The following INSR variants were observed in gnomAD, a reference collection of about 807,000 sequenced individuals.
The protein encoded by INSR is insulin receptor.
Under a neutral mutation model 142.6 loss-of-function variants are expected in INSR, and 67 were observed. The ratio of observed to expected loss-of-function variants is 0.47; its 90% CI spans 0.39 to 0.58. The LOEUF is 0.58. INSR is among the 20% of genes least tolerant of loss of function. INSR has a pLI of 0.00. For synonymous variants in INSR, 756 were observed against 743.1 expected (o/e 1.02, Z -0.28); for missense variants, 1,248 against 1,833.2 (o/e 0.68, Z 5.83).
intron 14 of INSR, among the ~76,000 whole-genome samples, chr19:7,130,005 C>G (rs558455141): frequency 6.6e-6 from 1 of 150,756 alleles, no homozygotes; most frequent in South Asian, 2.1e-4. Context: ...TCCCAAAGTT[C>G]TGGGATTACA....
chr19:7,174,484 A>G (rs1404155376), intron 4 of INSR, 99 bp downstream of exon 4: 6 of 1,344,920 alleles, frequency 4.5e-6, no homozygotes, highest in Non-Finnish European at 6.4e-6. Flanking sequence ...GTGCTGTAGG[A>G]GCACGCAGCA....
In INSR at chr19:7,113,899, G is replaced by A. The variant is rs991104385; in HGVS notation, c.*3157C>T. On this transcript the variant is annotated 3_prime_UTR_variant, in exon 22 of 22. Transcript: ENST00000302850. ...CAGGTGGAGAAAGGTGAGTCTGCAA[G>A]GGCAGTGCCTAAAAGTACAAGAGCA... 3 of 152,128 alleles carry A rather than the reference G, an allele frequency of 2.0e-5. No homozygotes were observed. The highest frequency in any genetic ancestry group is 4.8e-5 in the African/African-American group (2 of 41,480). 9.4% of individuals were successfully genotyped at this position (152,128 alleles called of 1,614,324 possible).
chr19:7,115,568 T>C lies in INSR; in HGVS notation c.*1488A>G, dbSNP rs1972303824. Reference sequence around the variant, plus strand: ...TCAGTGCACCTCTCTCTTACATTGCTTAGATGTTCCCAAAGTCCATCCAGG... The same window carrying C: ...TCAGTGCACCTCTCTCTTACATTGCCTAGATGTTCCCAAAGTCCATCCAGG... On this transcript the variant is annotated 3_prime_UTR_variant, in exon 22 of 22. Coordinates refer to ENST00000302850, the MANE Select transcript of INSR (RefSeq NM_000208.4). 1 of 152,230 alleles carries C rather than the reference T, an allele frequency of 6.6e-6. No individual in the cohort carries two copies. The highest frequency in any genetic ancestry group is 2.1e-4 in the South Asian group (1 of 4,818). 9.4% of individuals were successfully genotyped at this position (152,230 alleles called of 1,614,324 possible). A position where few individuals can be genotyped will look rare whatever the true frequency, so the allele number is the denominator to read the frequency against.
At chr19:7,197,963 TGTGTGTGTGTCCCCATGGTGGGA>T (rs1974830345) in intron 2 of INSR, among the ~76,000 whole-genome samples, 1 of 144,442 alleles carries the variant, frequency 6.9e-6, no homozygotes, top group Non-Finnish European at 1.5e-5. Context: ...ATGGTGGGAG[TGTGTGTGTGTCCCCATGGTGGGA>T]GTGTGTGTGT....
intron 9 of INSR, 90 bp from the exon 10 acceptor site, chr19:7,153,017 A>ACCCACACAC: frequency 2.0e-6 from 1 of 507,980 alleles, no homozygotes; most frequent in Non-Finnish European, 3.2e-6. Context: ...CACACACCAC[A>ACCCACACAC]CACACACACC....
chr19:7,208,727 T>C (rs960593248), intron 2 of INSR, among the ~76,000 whole-genome samples: 3 of 151,848 alleles, frequency 2.0e-5, no homozygotes, highest in African/African-American at 7.3e-5. Context: ...AAAATTAGGC[T>C]GGGCGCAGTG....
intron 11 of INSR, among the ~76,000 whole-genome samples, chr19:7,144,009 C>T (rs1973132613): frequency 6.7e-6 from 1 of 150,212 alleles, no homozygotes; most frequent in South Asian, 2.1e-4. Flanking sequence ...GAGCTGAGAT[C>T]GTGTCACTGC....
chr19:7,255,914 C>A (rs1220607602), intron 2 of INSR, among the ~76,000 whole-genome samples: 1 of 151,914 alleles, frequency 6.6e-6, no homozygotes, highest in African/African-American at 2.4e-5. Flanking sequence ...CCACCCAAAC[C>A]AAAGCACATC....
At position 7,125,537 on chromosome 19, in the gene INSR, A is replaced by T; in HGVS notation, c.3014-10T>A. ...ACAGAGCATGGAAACACTACTTCTT[A>T]CTTATCTACACAGCATCCTTGGAGG... On this transcript the variant is annotated splice_polypyrimidine_tract_variant and intron_variant, in intron 16 of 21. Transcript: ENST00000302850. This position sits in a 1 kb window ranked among gnomAD's most constrained non-coding sequence, Gnocchi z 4.9. The T allele has an allele frequency of 6.2e-7, 1 of 1,612,470 alleles. No individual in the cohort carries two copies. The highest frequency in any genetic ancestry group is 8.5e-7 in the Non-Finnish European group (1 of 1,179,946).
In INSR at chr19:7,115,210, G is replaced by A. The variant is rs1480785702; in HGVS notation, c.*1846C>T. Reference sequence around the variant, plus strand: ...AGCAGTCAAAAAGTTGTAAGAAAATGCACTCAGGAATAACGCATGGGCGAT... The same window carrying A: ...AGCAGTCAAAAAGTTGTAAGAAAATACACTCAGGAATAACGCATGGGCGAT... On this transcript the variant is annotated 3_prime_UTR_variant, in exon 22 of 22. Transcript: ENST00000302850. 6.6e-6 allele frequency: 1 copy of A among 152,260 alleles called. No individual in the cohort carries two copies. The highest frequency in any genetic ancestry group is 1.5e-5 in the Non-Finnish European group (1 of 68,044). 9.4% of individuals were successfully genotyped at this position (152,260 alleles called of 1,614,324 possible). A position where few individuals can be genotyped will look rare whatever the true frequency, so the allele number is the denominator to read the frequency against.
intron 9 of INSR, among the ~76,000 whole-genome samples, chr19:7,153,296 C>T: frequency 7.5e-6 from 1 of 132,726 alleles, no homozygotes; most frequent in Non-Finnish European, 1.7e-5. Flanking sequence ...ACACACCGCA[C>T]ACACACCACA....
chr19:7,128,293 A>T (rs1401863284), intron 15 of INSR, among the ~76,000 whole-genome samples: 1 of 150,788 alleles, frequency 6.6e-6, no homozygotes, highest in African/African-American at 2.4e-5. Context: ...GCTCACTGCA[A>T]CCTCCGCCAC....
At chr19:7,161,063 C>T (rs1224649074) in intron 9 of INSR, among the ~76,000 whole-genome samples, 2 of 148,570 alleles carry the variant, frequency 1.3e-5, no homozygotes, top group East Asian at 3.9e-4. Context: ...TAGTTTGAGA[C>T]TTTAAATATT....
intron 2 of INSR, among the ~76,000 whole-genome samples, chr19:7,253,249 A>AT (rs2145180084): frequency 8.3e-6 from 1 of 121,074 alleles, no homozygotes; most frequent in South Asian, 2.6e-4. Context: ...TATTTATTTA[A>AT]TTATTTGATA....
chr19:7,219,694 A>G (rs541173682), intron 2 of INSR, among the ~76,000 whole-genome samples: 2 of 152,302 alleles, frequency 1.3e-5, no homozygotes, highest in South Asian at 4.1e-4. Context: ...AATGAAAAAA[A>G]AGAAAAGAAC....
chr19:7,180,982 C>T (rs756590904), intron 3 of INSR, among the ~76,000 whole-genome samples: 3 of 152,110 alleles, frequency 2.0e-5, no homozygotes, highest in South Asian at 2.1e-4. Flanking sequence ...ACTCTGTCAC[C>T]GAGACTGCAG....
chr19:7,120,967 G>C lies in INSR; in HGVS notation c.3530-218C>G, dbSNP rs565825160. Among the ~76,000 whole-genome samples, 34 of 152,178 alleles carry C rather than the reference G, an allele frequency of 2.2e-4. No individual in the cohort carries two copies. In the South Asian group the frequency reaches 6.9e-3, roughly 31 times the overall value. Reference sequence around the variant, plus strand: ...GGCTACTGTTTAAAGGGAGGGAAAAGAAGGTACCAAATCACAAAGAAGCTA... The same window carrying C: ...GGCTACTGTTTAAAGGGAGGGAAAACAAGGTACCAAATCACAAAGAAGCTA... On this transcript the variant is annotated intron_variant, in intron 19 of 21. Transcript: ENST00000302850.
At chr19:7,197,838 G>GAGAGAAAA (rs1555750102) in intron 2 of INSR, among the ~76,000 whole-genome samples, 1 of 100,424 alleles carries the variant, frequency 1.0e-5, no homozygotes, top group Non-Finnish European at 2.1e-5. Flanking sequence ...GAGAGAACGA[G>GAGAGAAAA]AGAGAGAGAG....
chr19:7,171,056 C>G (rs1243189880), intron 5 of INSR, among the ~76,000 whole-genome samples: 1 of 152,054 alleles, frequency 6.6e-6, no homozygotes, highest in African/African-American at 2.4e-5. Flanking sequence ...CACAGAGGCA[C>G]CTAAGCTGAG....
Sources: gnomAD v4.1 joint callset for allele counts (sites outside exome capture counted in the v4.1 genomes callset) on GRCh38, gnomAD v4.1.1 for gene constraint, Gnocchi (gnomAD v3.1) non-coding constraint, MANE v1.5 for transcripts, NCBI Gene and HGNC (gene_info 2026-07-23, HGNC 2026-07-21) for gene names.